The following IPO11 variants were observed in gnomAD, a reference collection of about 807,000 sequenced individuals.
IPO11 encodes importin-11.
A neutral mutation model predicts 143.2 loss-of-function variants in IPO11; 66 were observed. The ratio of observed to expected loss-of-function variants is 0.46; its 90% CI spans 0.38 to 0.57. The LOEUF is 0.57. Ranked by LOEUF, IPO11 falls within the 20% of genes least tolerant of loss-of-function variation. The pLI, the probability that IPO11 is intolerant of heterozygous loss-of-function variation, is 0.00. For missense variants in IPO11, 1,026 were observed against 1,141.0 expected, an observed-to-expected ratio of 0.90 and a Z score of 1.45; for synonymous variants, 385 against 377.8, an observed-to-expected ratio of 1.02 and a Z score of -0.22.
chr5:62,620,855 A>G (rs926601404), intron 29 of IPO11, among the ~76,000 whole-genome samples: 2 of 152,234 alleles, frequency 1.3e-5, no homozygotes, highest in Non-Finnish European at 2.9e-5. Context: ...GTTAAATTTT[A>G]AGAGTGTCCT....
At chr5:62,491,568 T>G (rs1192323698) in intron 15 of IPO11, among the ~76,000 whole-genome samples, 2 of 152,194 alleles carry the variant, frequency 1.3e-5, no homozygotes, top group African/African-American at 4.8e-5. Context: ...CCAATTTTAA[T>G]TAATTTAAAT....
chr5:62,513,887 G>T (rs1445667285), intron 19 of IPO11, among the ~76,000 whole-genome samples: 4 of 150,154 alleles, frequency 2.7e-5, no homozygotes, highest in South Asian at 2.1e-4. Flanking sequence ...GGGCGGCCGG[G>T]CAGAGACGCT....
chr5:62,553,911 G>T (rs1216174136), intron 26 of IPO11, among the ~76,000 whole-genome samples: 5 of 151,790 alleles, frequency 3.3e-5, no homozygotes, highest in African/African-American at 1.2e-4. Context: ...TACCACCCCG[G>T]CTGGCTATGG....
intron 26 of IPO11, among the ~76,000 whole-genome samples, chr5:62,551,749 T>A (rs749678639): frequency 4.3e-4 from 66 of 152,208 alleles, no homozygotes; most frequent in Non-Finnish European, 6.9e-4. Context: ...AATGACCTTT[T>A]TAGCAAAGGT....
Position 62,470,299 on chromosome 5 carries a change from G to A in IPO11, c.699G>A (p.Met233Ile), listed in dbSNP as rs2112198465. 6.2e-7 allele frequency: 1 copy of A among 1,613,620 alleles called. No homozygotes were observed. The highest frequency in any genetic ancestry group is 1.7e-5 in the Admixed American group (1 of 60,006). The change falls in exon 7 of 30, where the codon ATG (methionine) becomes ATA (isoleucine). Residue 233 changes from methionine (M) to isoleucine (I), a missense_variant. By Grantham distance (10) the Met-to-Ile change is conservative (BLOSUM62 1). Coordinates refer to ENST00000325324, the MANE Select transcript of IPO11 (RefSeq NM_016338.5). ...GATTTGTGGAACCTCATAAGAATAT[G>A]GAGGTGATGGTAAGTGATCGAAGAA... ...VNGFVEPHKN[M>I]EVMGFLHGIF...
chr5:62,561,095 A>C (rs138727887), intron 26 of IPO11, 41 bp from the exon 27 acceptor site: 1 of 1,549,516 alleles, frequency 6.5e-7, no homozygotes, highest in African/African-American at 1.4e-5. Flanking sequence ...CAAGTAAAAC[A>C]TATTTTAGGT....
At chr5:62,575,195 G>C (rs1430245427) in intron 27 of IPO11, among the ~76,000 whole-genome samples, 1 of 152,148 alleles carries the variant, frequency 6.6e-6, no homozygotes, top group African/African-American at 2.4e-5. Flanking sequence ...TTTTCACTTA[G>C]AAATTATTTC....
chr5:62,513,409 C>G (rs1182644146), intron 19 of IPO11, among the ~76,000 whole-genome samples: 1 of 73,262 alleles, frequency 1.4e-5, no homozygotes, highest in African/African-American at 4.9e-5. Flanking sequence ...CGGGAGGGGG[C>G]GCTGACCCCC....
chr5:62,619,669 C>T (rs1316961107), intron 29 of IPO11, among the ~76,000 whole-genome samples: 6 of 151,992 alleles, frequency 3.9e-5, no homozygotes, highest in East Asian at 1.9e-4. Context: ...CTGGTTAACA[C>T]GGTGAAACCC....
intron 27 of IPO11, among the ~76,000 whole-genome samples, chr5:62,569,221 G>C (rs1008147461): frequency 6.6e-6 from 1 of 152,154 alleles, no homozygotes; most frequent in Non-Finnish European, 1.5e-5. Flanking sequence ...CAAGCACACA[G>C]CTTCTGTCTC....
intron 20 of IPO11, among the ~76,000 whole-genome samples, chr5:62,516,761 C>T (rs756538411): frequency 4.6e-5 from 7 of 152,078 alleles, no homozygotes; most frequent in Non-Finnish European, 1.0e-4. Context: ...TTTAAGTGTA[C>T]AGTGTAGTGT....
chr5:62,423,654 A>C (rs1743595528), intron 1 of IPO11, among the ~76,000 whole-genome samples: 1 of 152,192 alleles, frequency 6.6e-6, no homozygotes, highest in African/African-American at 2.4e-5. Flanking sequence ...AACAATTATC[A>C]ACTTCATTTC....
chr5:62,597,983 T>C (rs1364980705), intron 28 of IPO11, among the ~76,000 whole-genome samples: 1 of 152,152 alleles, frequency 6.6e-6, no homozygotes, highest in Non-Finnish European at 1.5e-5. Flanking sequence ...CCATTCCTCA[T>C]CGATAAAAAG....
At position 62,467,114 on chromosome 5, in the gene IPO11, T is replaced by G; in HGVS notation, c.517-17T>G. 2 of 1,600,244 alleles carry G rather than the reference T, an allele frequency of 1.2e-6. No individual in the cohort carries two copies. Among genetic ancestry groups the G allele is most frequent in the South Asian group, 1.1e-5 (1 of 88,572 alleles). ...GTATAATACACTATGAATAAATTTG[T>G]TGCCTTTTCTTTGCAGTTAGCTTCT... On this transcript the variant is annotated splice_polypyrimidine_tract_variant and intron_variant, in intron 5 of 29. Coordinates refer to ENST00000325324, the MANE Select transcript of IPO11 (RefSeq NM_016338.5).
At chr5:62,586,423 C>T (rs1203499628) in intron 27 of IPO11, among the ~76,000 whole-genome samples, 10 of 151,988 alleles carry the variant, frequency 6.6e-5, no homozygotes. Flanking sequence ...GTGTGGCATA[C>T]AAGACTTTTC....
intron 1 of IPO11, among the ~76,000 whole-genome samples, chr5:62,432,058 A>G (rs937698524): frequency 6.6e-6 from 1 of 152,170 alleles, no homozygotes; most frequent in African/African-American, 2.4e-5. Context: ...CTCAGCCCGA[A>G]AAAACTGAAA....
At chr5:62,440,093 A>G (rs1418138477) in intron 2 of IPO11, among the ~76,000 whole-genome samples, 1 of 152,176 alleles carries the variant, frequency 6.6e-6, no homozygotes, top group African/African-American at 2.4e-5. Context: ...TTTGCCAGGC[A>G]CTGTGCTAGA....
chr5:62,453,761 T>TC (rs1164092314), intron 5 of IPO11, among the ~76,000 whole-genome samples: 1 of 152,164 alleles, frequency 6.6e-6, no homozygotes. Flanking sequence ...TTTAACAAGC[T>TC]CCCCATAGAA....
chr5:62,414,192 T>G (rs1289623423), intron 1 of IPO11, among the ~76,000 whole-genome samples: 1 of 152,186 alleles, frequency 6.6e-6, no homozygotes, highest in Non-Finnish European at 1.5e-5. Context: ...ATAGAACAAT[T>G]TTTAGATTTT....
Sources: gnomAD v4.1 joint callset for allele counts (sites outside exome capture counted in the v4.1 genomes callset) on GRCh38, gnomAD v4.1.1 for gene constraint, MANE v1.5 for transcripts, NCBI Gene and HGNC (gene_info 2026-07-23, HGNC 2026-07-21) for gene names.